DDX10: variants seen among roughly 807,000 people sequenced by gnomAD.
DDX10 encodes the protein probable ATP-dependent RNA helicase DDX10.
Under a neutral mutation model 104.3 loss-of-function variants are expected in DDX10, and 74 were observed. That is an observed-to-expected ratio of 0.71 (90% CI 0.59 to 0.86). The LOEUF (loss-of-function observed/expected upper bound fraction) is 0.86. Ranked by LOEUF, DDX10 falls within the 40% of genes least tolerant of loss-of-function variation. The pLI is 0.00. For synonymous variants in DDX10, 351 were observed against 353.4 expected, an observed-to-expected ratio of 0.99 and a Z score of 0.08; for missense variants, 952 against 1,040.0, an observed-to-expected ratio of 0.92 and a Z score of 1.16.
intron 13 of DDX10, among the ~76,000 whole-genome samples, chr11:108,730,544 T>G (rs2094310772): frequency 6.6e-6 from 1 of 152,230 alleles, no homozygotes; most frequent in Admixed American, 6.5e-5. Flanking sequence ...TCCTTCACTT[T>G]GGTTTTGTTT....
chr11:108,759,379 C>T (rs1157497361), intron 13 of DDX10, among the ~76,000 whole-genome samples: 1 of 151,900 alleles, frequency 6.6e-6, no homozygotes, highest in African/African-American at 2.4e-5. Context: ...CATGTGGGTA[C>T]TCCACTGGTT....
intron 13 of DDX10, among the ~76,000 whole-genome samples, chr11:108,797,678 A>C (rs1861964023): frequency 6.6e-6 from 1 of 152,236 alleles, no homozygotes; most frequent in Non-Finnish European, 1.5e-5. Context: ...TTATCACAGC[A>C]GCTAAATTTC....
At chr11:108,684,462 G>A (rs1164589234) in intron 6 of DDX10, among the ~76,000 whole-genome samples, 2 of 145,876 alleles carry the variant, frequency 1.4e-5, no homozygotes, top group Non-Finnish European at 3.0e-5. Flanking sequence ...TTGGTTTTTT[G>A]TTCTTGCGAT....
chr11:108,770,191 G>A (rs1383640921), intron 13 of DDX10, among the ~76,000 whole-genome samples: 1 of 152,102 alleles, frequency 6.6e-6, no homozygotes, highest in Admixed American at 6.6e-5. Context: ...TATTTGTGGG[G>A]TACATGAGAT....
chr11:108,790,536 C>T (rs567036338), intron 13 of DDX10, among the ~76,000 whole-genome samples: 9 of 152,264 alleles, frequency 5.9e-5, no homozygotes, highest in African/African-American at 2.2e-4. Context: ...GCTTTCTCCT[C>T]TCGTTTTCTG....
chr11:108,786,847 C>G (rs1861801323), intron 13 of DDX10, among the ~76,000 whole-genome samples: 1 of 152,160 alleles, frequency 6.6e-6, no homozygotes, highest in Non-Finnish European at 1.5e-5. Flanking sequence ...CATTTACATT[C>G]AGGATTAGTA....
chr11:108,937,210 G>A (rs1296496537), intron 17 of DDX10, among the ~76,000 whole-genome samples: 1 of 152,168 alleles, frequency 6.6e-6, no homozygotes, highest in African/African-American at 2.4e-5. Context: ...CCGTGCTTGA[G>A]GAGTGAGGGA....
chr11:108,847,210 TTACA>T (rs1176648937), intron 15 of DDX10, among the ~76,000 whole-genome samples: 3 of 152,236 alleles, frequency 2.0e-5, no homozygotes, highest in African/African-American at 7.2e-5. Flanking sequence ...AATGCCACTC[TTACA>T]TACAAGCAAT....
chr11:108,689,718 C>G (rs2094249423), intron 7 of DDX10, among the ~76,000 whole-genome samples: 1 of 152,174 alleles, frequency 6.6e-6, no homozygotes, highest in South Asian at 2.1e-4. Context: ...GGTCTTTGTG[C>G]ATGTGTGCGT....
intron 13 of DDX10, among the ~76,000 whole-genome samples, chr11:108,752,347 T>C (rs1465134994): frequency 3.3e-5 from 5 of 152,114 alleles, no homozygotes; most frequent in African/African-American, 9.7e-5. Flanking sequence ...GTGTATGCAG[T>C]GTTTTGGGTT....
chr11:108,858,083 G>T (rs945993996), intron 16 of DDX10, among the ~76,000 whole-genome samples: 1 of 152,160 alleles, frequency 6.6e-6, no homozygotes, highest in African/African-American at 2.4e-5. Context: ...ATTATTTCCA[G>T]CCCAGGAAGA....
chr11:108,735,973 G>A (rs2094317834), intron 13 of DDX10, among the ~76,000 whole-genome samples: 1 of 152,136 alleles, frequency 6.6e-6, no homozygotes. Flanking sequence ...TAAAATAAGT[G>A]TAAGATTAGC....
At chr11:108,783,389 G>A (rs138382188) in intron 13 of DDX10, among the ~76,000 whole-genome samples, 9 of 152,276 alleles carry the variant, frequency 5.9e-5, no homozygotes, top group African/African-American at 1.2e-4. Flanking sequence ...ATTGAAGAGC[G>A]TTGATAAAGG....
chr11:108,861,237 A>G (rs1862937430), intron 16 of DDX10, among the ~76,000 whole-genome samples: 1 of 151,924 alleles, frequency 6.6e-6, no homozygotes, highest in Non-Finnish European at 1.5e-5. Context: ...TGCCCAGATA[A>G]ATTACCTGTT....
At chr11:108,790,325 A>G (rs1418475781) in intron 13 of DDX10, among the ~76,000 whole-genome samples, 3 of 152,196 alleles carry the variant, frequency 2.0e-5, no homozygotes, top group Admixed American at 6.5e-5. Flanking sequence ...TATTAACCCA[A>G]TGAACTACAA....
At chr11:108,733,758 G>A (rs900686643) in intron 13 of DDX10, among the ~76,000 whole-genome samples, 1 of 151,888 alleles carries the variant, frequency 6.6e-6, no homozygotes, top group Non-Finnish European at 1.5e-5. Context: ...TTCTTGGCTC[G>A]GGGGGATAAG....
intron 12 of DDX10, 148 bp from the exon 13 acceptor site, chr11:108,722,849 C>A: frequency 7.8e-7 from 1 of 1,276,460 alleles, no homozygotes. Flanking sequence ...TTTGGATCAA[C>A]TAACCTGTTA....
intron 16 of DDX10, among the ~76,000 whole-genome samples, chr11:108,882,281 T>G (rs572306609): frequency 6.6e-6 from 1 of 152,214 alleles, no homozygotes; most frequent in Admixed American, 6.5e-5. Context: ...CCTTTACATC[T>G]GGGAACAGGC....
rs117468257 is a variant in DDX10, at chr11:108,931,757, A to G, written c.2451-8489A>G. On this transcript the variant is annotated intron_variant, in intron 17 of 17. Coordinates refer to ENST00000322536, the MANE Select transcript of DDX10 (RefSeq NM_004398.4). The stretch of plus-strand genomic sequence containing the variant: ...TTAATAATAAACCTTTTAGGAAACT[A>G]AAGATTCTTCTTAATCACCTAGTTA... 8.5e-4 allele frequency among the ~76,000 whole-genome samples: 130 copies of G among 152,354 alleles called. No individual in the cohort carries two copies. In the East Asian group the frequency reaches 0.024, roughly 29 times the overall value.
Sources: gnomAD v4.1 joint callset for allele counts (sites outside exome capture counted in the v4.1 genomes callset) on GRCh38, gnomAD v4.1.1 for gene constraint, MANE v1.5 for transcripts, NCBI Gene and HGNC (gene_info 2026-07-23, HGNC 2026-07-21) for gene names.